The following DPYS variants were observed in gnomAD, a reference collection of about 807,000 sequenced individuals.
DPYS encodes dihydropyrimidine amidohydrolase.
In DPYS, 39 loss-of-function variants were observed where a neutral mutation model predicts 50.3. The observed-to-expected ratio is 0.78, with a 90% CI of 0.60 to 1.01. The LOEUF is 1.01. DPYS is among the 50% of genes least tolerant of loss of function. DPYS has a pLI of 0.00. For synonymous variants in DPYS, 245 were observed against 250.7 expected (o/e 0.98, Z 0.22); for missense variants, 659 against 680.9 (o/e 0.97, Z 0.36).
At position 104,379,654 on chromosome 8, in the gene DPYS, T is replaced by A; in HGVS notation, c.*204A>T. 1 of 340,460 alleles carries A rather than the reference T, an allele frequency of 2.9e-6. No individual in the cohort carries two copies. Among genetic ancestry groups the A allele is most frequent in the Non-Finnish European group, 5.9e-6 (1 of 170,404 alleles). The allele number at this position is 340,460 out of a possible 1,614,324, so 21.1% of individuals were successfully genotyped here. On this transcript the variant is annotated 3_prime_UTR_variant, in exon 10 of 10. Transcript: ENST00000351513. ...CATCACAATAATATAAATTTATACC[T>A]TCAATCTTATGCAGCAACAAAAACA...
chr8:104,447,839 T>A (rs1486176404), intron 2 of DPYS, among the ~76,000 whole-genome samples: 1 of 152,252 alleles, frequency 6.6e-6, no homozygotes, highest in Non-Finnish European at 1.5e-5. Context: ...TGAAGCCATG[T>A]TGGCAGCAAC....
rs773305380 is a variant in DPYS, at chr8:104,444,375, T to C, written c.666A>G (p.Pro222=). Residue 222 remains proline, a synonymous_variant, in exon 4 of 10, where the codon CCA becomes CCG. Coordinates refer to ENST00000351513, the MANE Select transcript of DPYS (RefSeq NM_001385.3). ...TGPEGHELCR[P]EAVEAEATLR... ...GCGTGGCCTCTGCCTCCACTGCCTC[T>C]GGGCGGCACAGCTCGTGGCCCTCAG... 1 of 1,614,258 alleles carries C rather than the reference T, an allele frequency of 6.2e-7. No homozygotes were observed. The highest frequency in any genetic ancestry group is 1.1e-5 in the South Asian group (1 of 91,086).
At chr8:104,449,889 T>C (rs548118009) in intron 2 of DPYS, among the ~76,000 whole-genome samples, 7 of 152,174 alleles carry the variant, frequency 4.6e-5, no homozygotes, top group African/African-American at 1.4e-4. Flanking sequence ...AGGCAGTAAA[T>C]GTCTGTTGTT....
chr8:104,443,532 A>G (rs1813422488), intron 4 of DPYS, among the ~76,000 whole-genome samples: 1 of 152,220 alleles, frequency 6.6e-6, no homozygotes, highest in Non-Finnish European at 1.5e-5. Context: ...GGTGCCTTGC[A>G]CTGCCCTGAT....
chr8:104,457,274 A>G (rs77338166), intron 1 of DPYS, among the ~76,000 whole-genome samples: 6,261 of 152,336 alleles, frequency 0.041, 199 homozygotes, highest in Non-Finnish European at 0.067. Flanking sequence ...ACTGACGGGC[A>G]GGGAGCGTCT....
intron 4 of DPYS, among the ~76,000 whole-genome samples, chr8:104,442,300 T>C (rs1408527499): frequency 2.0e-5 from 3 of 152,244 alleles, no homozygotes; most frequent in Non-Finnish European, 4.4e-5. Flanking sequence ...AATGGAATTC[T>C]ATCCCAATGC....
rs760671572 is a variant in DPYS at position 104,381,259 on chromosome 8, AGTGTGGC to A, written c.1492_1498del (p.Ala498Ter). 1 of 1,614,130 alleles carries A rather than the reference AGTGTGGC, an allele frequency of 6.2e-7. No homozygotes were observed. Among genetic ancestry groups the A allele is most frequent in the East Asian group, 2.2e-5 (1 of 44,876 alleles). The stretch of plus-strand genomic sequence containing the variant: ...ATCTTCTTTTGTCACTCTGGATTTC[AGTGTGGC>A]GACTTCTCCCTTATAGGGTGCACGC... On this transcript the variant is annotated frameshift_variant, in exon 9 of 10. Transcript: ENST00000351513. LOFTEE classifies it high-confidence loss of function.
intron 6 of DPYS, among the ~76,000 whole-genome samples, chr8:104,425,630 T>C (rs1229366314): frequency 6.6e-6 from 1 of 152,070 alleles, no homozygotes; most frequent in Non-Finnish European, 1.5e-5. Flanking sequence ...GATGCAATCC[T>C]TTTGAAAAGA....
chr8:104,438,502 T>C (rs577540822), intron 4 of DPYS, among the ~76,000 whole-genome samples: 1 of 152,240 alleles, frequency 6.6e-6, no homozygotes, highest in African/African-American at 2.4e-5. Flanking sequence ...ACTTGGAAAT[T>C]GCTTCTCTGA....
chr8:104,393,762 G>T (rs769775697), intron 7 of DPYS, among the ~76,000 whole-genome samples: 2 of 152,126 alleles, frequency 1.3e-5, no homozygotes, highest in Non-Finnish European at 2.9e-5. Flanking sequence ...AAAAAATCTG[G>T]CAGCAGTGAC....
At chr8:104,387,144 G>T (rs1322375758) in intron 8 of DPYS, among the ~76,000 whole-genome samples, 4 of 152,132 alleles carry the variant, frequency 2.6e-5, no homozygotes, top group Non-Finnish European at 5.9e-5. Flanking sequence ...TGAATGTAGA[G>T]GGCACTCAGC....
In DPYS at chr8:104,392,884, TA is replaced by T. The variant is rs1564080723; in HGVS notation, c.1342del (p.Tyr448MetfsTer29). On this transcript the variant is annotated frameshift_variant, in exon 8 of 10. Coordinates refer to ENST00000351513, the MANE Select transcript of DPYS (RefSeq NM_001385.3). LOFTEE classifies it high-confidence loss of function. ...CGTGACACTGAACACTCCGGCTTCA[TA>T]TACCACTTTGCCTCTTGAAATAGTC... is the stretch of plus-strand genomic sequence containing the variant. ...LVTISRGKVVYEAGVFSVTAG... is the reference protein window; with the variant it reads ...LVTISRGKVVXEAGVFSVTAG... 2 of 1,614,232 alleles carry T rather than the reference TA, an allele frequency of 1.2e-6. No homozygotes were observed. Among genetic ancestry groups the T allele is most frequent in the South Asian group, 2.2e-5 (2 of 91,086 alleles).
chr8:104,410,592 C>T (rs1812141076), intron 7 of DPYS, among the ~76,000 whole-genome samples: 1 of 152,176 alleles, frequency 6.6e-6, no homozygotes, highest in African/African-American at 2.4e-5. Flanking sequence ...AAAGCCCCTT[C>T]TCTTTACAGC....
At chr8:104,430,889 C>T (rs1242787359) in intron 4 of DPYS, among the ~76,000 whole-genome samples, 2 of 152,154 alleles carry the variant, frequency 1.3e-5, no homozygotes, top group African/African-American at 2.4e-5. Flanking sequence ...CATCTCCATT[C>T]GGATTCTTAC....
intron 7 of DPYS, among the ~76,000 whole-genome samples, chr8:104,422,984 A>G (rs886731984): frequency 4.6e-5 from 7 of 152,240 alleles, no homozygotes; most frequent in African/African-American, 1.7e-4. Context: ...CTAGCTTTGT[A>G]GAGAAGCTGC....
At chr8:104,444,075 T>G (rs2669434) in intron 4 of DPYS, among the ~76,000 whole-genome samples, 173 bp downstream of exon 4, 94,095 of 151,922 alleles carry the variant, frequency 0.62, 30,336 homozygotes, top group Non-Finnish European at 0.72. Flanking sequence ...ACAAAAGTGG[T>G]GGAAAACAGA....
chr8:104,380,635 A>C (rs1374647501), intron 9 of DPYS: 2 of 154,570 alleles, frequency 1.3e-5, no homozygotes, highest in Non-Finnish European at 2.9e-5. Flanking sequence ...AAACTGATGA[A>C]GTGCTCAAAT....
At chr8:104,384,747 C>A (rs1811158764) in intron 8 of DPYS, among the ~76,000 whole-genome samples, 1 of 152,174 alleles carries the variant, frequency 6.6e-6, no homozygotes, top group Non-Finnish European at 1.5e-5. Flanking sequence ...ATTCTCCTGG[C>A]TAAAAGCATA....
intron 7 of DPYS, among the ~76,000 whole-genome samples, chr8:104,404,845 A>G (rs1811940151): frequency 6.6e-6 from 1 of 152,276 alleles, no homozygotes; most frequent in Non-Finnish European, 1.5e-5. Context: ...AACAGAGTCC[A>G]TATGGCCCAC....
Sources: allele counts gnomAD v4.1 joint callset (sites outside exome capture counted in the v4.1 genomes callset), GRCh38; gene constraint gnomAD v4.1.1; transcripts MANE v1.5; gene names NCBI Gene and HGNC (gene_info 2026-07-23, HGNC 2026-07-21).